U2SURP: variants seen among roughly 807,000 people sequenced by gnomAD.
The protein encoded by U2SURP is U2 snRNP associated SURP domain containing, also known as U2 snRNP-associated SURP motif-containing protein.
U2SURP carries 9 observed loss-of-function variants against 144.9 expected under a neutral mutation model. The ratio of observed to expected loss-of-function variants is 0.06; its 90% CI spans 0.04 to 0.11. The LOEUF is 0.11. Ranked by LOEUF, U2SURP falls within the 10% of genes least tolerant of loss-of-function variation. The pLI, the probability that U2SURP is intolerant of heterozygous loss-of-function variation, is 1.00. For synonymous variants in U2SURP, 408 were observed against 396.8 expected (o/e 1.03, Z -0.33); for missense variants, 724 against 1,226.7 (o/e 0.59, Z 6.12).
rs929410320 is a variant in U2SURP, at chr3:143,031,976, C to G, written c.1611-808C>G. On this transcript the variant is annotated intron_variant, in intron 16 of 27. Coordinates refer to ENST00000473835, the MANE Select transcript of U2SURP (RefSeq NM_001080415.2). The stretch of plus-strand genomic sequence containing the variant: ...AAATAAAGTTTTACTGGAATACAGT[C>G]AATTCCCTTCCCTACATGTTGTCTG... 3.3e-5 allele frequency among the ~76,000 whole-genome samples: 5 copies of G among 152,164 alleles called. No homozygotes were observed. In the East Asian group the frequency reaches 9.6e-4, roughly 29 times the overall value.
chr3:143,053,776 C>G lies in U2SURP; in HGVS notation c.2756C>G (p.Thr919Ser). The change falls in exon 26 of 28, where the codon ACT becomes AGT. Residue 919 changes from threonine (T) to serine (S), a missense_variant. By Grantham distance (58) the Thr-to-Ser change is moderately conservative. Around this residue, in one of 13 missense-constraint regions of U2SURP, gnomAD observed 129 missense variants for 196.1 expected, o/e 0.66. Coordinates refer to ENST00000473835, the MANE Select transcript of U2SURP (RefSeq NM_001080415.2). ...SKDKKEKDEC[T>S]PTRKERKRRH... Reference sequence around the variant, plus strand: ...GACAAGAAGGAAAAAGATGAGTGTACTCCGACAAGGAAGGAAAGGTATAAC... The same window carrying G: ...GACAAGAAGGAAAAAGATGAGTGTAGTCCGACAAGGAAGGAAAGGTATAAC... 6.3e-7 allele frequency: 1 copy of G among 1,598,242 alleles called. No homozygotes were observed. Among genetic ancestry groups the G allele is most frequent in the South Asian group, 1.1e-5 (1 of 88,152 alleles).
chr3:143,031,423 G>GCTACCACCA (rs1560191135), intron 16 of U2SURP, among the ~76,000 whole-genome samples: 2,584 of 138,538 alleles, frequency 0.019, 151 homozygotes, highest in African/African-American at 0.062. Flanking sequence ...AGCTACCACC[G>GCTACCACCA]CCCTAACCTT....
intron 24 of U2SURP, among the ~76,000 whole-genome samples, chr3:143,043,717 GTATATATA>G (rs5853088): frequency 2.7e-5 from 4 of 147,354 alleles, no homozygotes; most frequent in Admixed American, 6.8e-5. Context: ...TAGATTATAT[GTATATATA>G]TATATATATA....
rs144290875 is a variant in U2SURP at position 143,032,781 on chromosome 3, C to T, written c.1611-3C>T. 107 of 1,607,790 alleles carry T rather than the reference C, an allele frequency of 6.7e-5. No individual in the cohort carries two copies. The highest frequency in any genetic ancestry group is 4.4e-4 in the South Asian group (39 of 89,468). On this transcript the variant is annotated splice_region_variant and splice_polypyrimidine_tract_variant and intron_variant, in intron 16 of 27. Coordinates refer to ENST00000473835, the MANE Select transcript of U2SURP (RefSeq NM_001080415.2). ...TTTATAAGTTAAAACAATTTATGTT[C>T]AGACAGAGGGATAAATTGGAAGAAA...
intron 22 of U2SURP, 98 bp downstream of exon 22, chr3:143,038,301 G>C: frequency 1.1e-6 from 1 of 874,596 alleles, no homozygotes. Context: ...TTTATAACAC[G>C]TTTTAACCTT....
At chr3:143,039,100 T>G (rs143100716) in intron 23 of U2SURP, 140 bp downstream of exon 23, 233 of 524,044 alleles carry the variant, frequency 4.4e-4, no homozygotes, top group East Asian at 4.3e-3. Context: ...TAGTTCTCCA[T>G]TGGTTTTCCA....
At chr3:143,030,294 A>G (rs1412680143) in intron 16 of U2SURP, among the ~76,000 whole-genome samples, 1 of 152,236 alleles carries the variant, frequency 6.6e-6, no homozygotes, top group African/African-American at 2.4e-5. Context: ...GCAGCTGGTG[A>G]CTTAAAGTTG....
At chr3:143,055,238 C>A in intron 27 of U2SURP, 119 bp downstream of exon 27, 2 of 860,932 alleles carry the variant, frequency 2.3e-6, no homozygotes, top group Non-Finnish European at 3.5e-6. Context: ...TTTAGAAAAC[C>A]AAAGAGATAC....
At chr3:143,046,939 G>A (rs1934504978) in intron 24 of U2SURP, among the ~76,000 whole-genome samples, 1 of 87,292 alleles carries the variant, frequency 1.1e-5, no homozygotes, top group Non-Finnish European at 2.3e-5. Flanking sequence ...CGGCTGGCCG[G>A]GCAGGGGGCT....
At chr3:143,051,998 C>T (rs566259674) in intron 25 of U2SURP, among the ~76,000 whole-genome samples, 1 of 152,240 alleles carries the variant, frequency 6.6e-6, no homozygotes, top group East Asian at 1.9e-4. Flanking sequence ...AGAATGCATC[C>T]TACAGATCAC....
intron 24 of U2SURP, among the ~76,000 whole-genome samples, chr3:143,047,891 A>C (rs375721234): frequency 0.68 from 95,510 of 141,294 alleles, 32,251 homozygotes; most frequent in African/African-American, 0.77. Context: ...GACCCCCCCC[A>C]ACCTCCCTCC....
chr3:143,045,861 G>A (rs1934405319), intron 24 of U2SURP, among the ~76,000 whole-genome samples: 2 of 152,154 alleles, frequency 1.3e-5, no homozygotes, highest in African/African-American at 4.8e-5. Context: ...TTTCCTCTGA[G>A]AGATTTAGTC....
chr3:143,048,613 C>T (rs1414287346), intron 24 of U2SURP, among the ~76,000 whole-genome samples: 1 of 151,998 alleles, frequency 6.6e-6, no homozygotes, highest in Admixed American at 6.6e-5. Flanking sequence ...TATAAAAGAC[C>T]CTGATTATGG....
At chr3:143,054,043 T>C (rs1935022299) in intron 26 of U2SURP, among the ~76,000 whole-genome samples, 1 of 152,204 alleles carries the variant, frequency 6.6e-6, no homozygotes, top group South Asian at 2.1e-4. Flanking sequence ...AGTGCAAGGA[T>C]TCAATTACAG....
At chr3:143,008,494 G>A (rs988709325) in intron 1 of U2SURP, among the ~76,000 whole-genome samples, 3 of 152,162 alleles carry the variant, frequency 2.0e-5, no homozygotes, top group Non-Finnish European at 4.4e-5. Context: ...AATTTAGAGC[G>A]GTTGAATGAA....
rs1333986049 is a variant in U2SURP, at chr3:143,023,001, G to A, written c.1167G>A (p.Glu389=). 2 of 1,611,522 alleles carry A rather than the reference G, an allele frequency of 1.2e-6. No individual in the cohort carries two copies. Among genetic ancestry groups the A allele is most frequent in the African/African-American group, 1.3e-5 (1 of 74,878 alleles). Reference sequence around the variant, plus strand: ...TGCCTTTTAATGCGCAGCCTAGAGAGCGGTTAAAAAACCCTAATGCTCCTA... The same window carrying A: ...TGCCTTTTAATGCGCAGCCTAGAGAACGGTTAAAAAACCCTAATGCTCCTA... ...SGLPFNAQPR[E]RLKNPNAPML... is the part of the protein sequence containing the mutation. The change falls in exon 12 of 28, where the codon GAG becomes GAA. Residue 389 remains glutamate, a synonymous_variant. Coordinates refer to ENST00000473835, the MANE Select transcript of U2SURP (RefSeq NM_001080415.2).
intron 24 of U2SURP, 44 bp downstream of exon 24, chr3:143,043,320 C>A: frequency 6.5e-7 from 1 of 1,537,618 alleles, no homozygotes; most frequent in South Asian, 1.2e-5. Flanking sequence ...ATTGGCTTTT[C>A]ACTTTCTCCA....
At chr3:143,045,015 C>T (rs1186729242) in intron 24 of U2SURP, among the ~76,000 whole-genome samples, 2 of 152,090 alleles carry the variant, frequency 1.3e-5, no homozygotes, top group East Asian at 3.9e-4. Flanking sequence ...TCAGTGAACA[C>T]ACTCACCTGT....
chr3:143,026,697 T>G (rs1178023796), intron 13 of U2SURP: 1 of 152,236 alleles, frequency 6.6e-6, no homozygotes, highest in Non-Finnish European at 1.5e-5. Flanking sequence ...AACATTTCAG[T>G]AGCACCATAA....
Sources: gnomAD v4.1 joint callset for allele counts (sites outside exome capture counted in the v4.1 genomes callset) on GRCh38, gnomAD v4.1.1 for gene constraint, gnomAD v4.1.1 regional missense constraint, MANE v1.5 for transcripts, NCBI Gene and HGNC (gene_info 2026-07-23, HGNC 2026-07-21) for gene names.